P2RX5: variants seen among roughly 807,000 people sequenced by gnomAD.
P2RX5 encodes purinergic receptor P2X 5, also known as P2X purinoceptor 5.
Under a neutral mutation model 54.1 loss-of-function variants are expected in P2RX5, and 46 were observed. That is an observed-to-expected ratio of 0.85 (90% confidence interval 0.67 to 1.09). P2RX5 has a LOEUF of 1.09. Ranked by LOEUF, P2RX5 falls within the 50% of genes least tolerant of loss-of-function variation. The pLI, the probability that P2RX5 is intolerant of heterozygous loss-of-function variation, is 0.00. For missense variants in P2RX5, 566 were observed against 549.8 expected (o/e 1.03, Z -0.29); for synonymous variants, 226 against 226.4 (o/e 1.00, Z 0.02).
At chr17:3,719,727 A>ATTTATTTATTTATT in the P2RX5 span, among the ~76,000 whole-genome samples, 20,476 of 151,652 alleles carry the variant, frequency 0.14, 4,627 homozygotes, top group African/African-American at 0.47. Context: ...TTCATTTTTT[A>ATTTATTTATTTATT]TTTATTTATT....
chr17:3,685,508 T>C (rs1003873035), intron 9 of P2RX5: 2 of 152,726 alleles, frequency 1.3e-5, no homozygotes, highest in Non-Finnish European at 2.9e-5. Flanking sequence ...GGAGGGGAGG[T>C]ACTCCCAGCA....
chr17:3,673,543 C>T lies in P2RX5; in HGVS notation c.*325G>A, dbSNP rs1222486721. ...CTCTACAGGGCACTGCGGTCCTTAG[C>T]TGAGGTGCTCAAGGACTCCGGAAGG... is the stretch of plus-strand genomic sequence containing the variant. On this transcript the variant is annotated 3_prime_UTR_variant, in exon 12 of 12. Transcript: ENST00000225328. 1.5e-6 allele frequency: 2 copies of T among 1,316,920 alleles called. No homozygotes were observed. Among genetic ancestry groups the T allele is most frequent in the Non-Finnish European group, 1.9e-6 (2 of 1,025,874 alleles). 81.6% of individuals were successfully genotyped at this position (1,316,920 alleles called of 1,614,324 possible). A position where few individuals can be genotyped will look rare whatever the true frequency, so the allele number is the denominator to read the frequency against.
chr17:3,679,875 C>T, intron 10 of P2RX5, 91 bp from the exon 11 acceptor site: 1 of 1,139,568 alleles, frequency 8.8e-7, no homozygotes, highest in Non-Finnish European at 1.3e-6. Flanking sequence ...AATCCCTCGC[C>T]CTGCAGGCCG....
At chr17:3,715,068 TCTC>T in the P2RX5 span, 2 of 619,938 alleles carry the variant, frequency 3.2e-6, no homozygotes, top group African/African-American at 3.7e-5. Context: ...ACTACTCCCT[TCTC>T]CTAACTTACT....
the P2RX5 span, among the ~76,000 whole-genome samples, chr17:3,713,455 A>T: frequency 6.6e-6 from 1 of 152,242 alleles, no homozygotes; most frequent in South Asian, 2.1e-4. Flanking sequence ...GAGTGTTTTT[A>T]AAAATCTCAG....
the P2RX5 span, chr17:3,723,810 G>C: frequency 6.3e-7 from 1 of 1,581,998 alleles, no homozygotes; most frequent in East Asian, 2.2e-5. Context: ...GTCCCGTCCC[G>C]GCCCCGGCCC....
chr17:3,711,845 C>A, the P2RX5 span, among the ~76,000 whole-genome samples: 110 of 152,310 alleles, frequency 7.2e-4, 1 homozygote, highest in African/African-American at 2.4e-3. Context: ...CAGGTGTATG[C>A]CACAGACCTT....
chr17:3,679,350 C>T (rs951628767), intron 11 of P2RX5, among the ~76,000 whole-genome samples: 1 of 152,100 alleles, frequency 6.6e-6, no homozygotes, highest in Non-Finnish European at 1.5e-5. Flanking sequence ...ATCTGAGCGC[C>T]GGCATGGCAC....
chr17:3,675,126 G>A lies in P2RX5; in HGVS notation c.1260-1249C>T, dbSNP rs555937560. Among the ~76,000 whole-genome samples, 7 of 152,272 alleles carry A rather than the reference G, an allele frequency of 4.6e-5. No homozygotes were observed. In the South Asian group the frequency reaches 8.3e-4, roughly 18 times the overall value. ...ACGATCTTGGATCACTGCAACCTCC[G>A]TCTCCCGGGTTCAAGCAATTCTCCT... On this transcript the variant is annotated intron_variant, in intron 11 of 11. Coordinates refer to ENST00000225328, the MANE Select transcript of P2RX5 (RefSeq NM_002561.4).
the P2RX5 span, among the ~76,000 whole-genome samples, chr17:3,704,062 A>G: frequency 6.6e-6 from 1 of 152,114 alleles, no homozygotes; most frequent in South Asian, 2.1e-4. Flanking sequence ...AGATGACGCC[A>G]TTGCACTCCA....
At position 3,696,142 on chromosome 17, in the gene P2RX5, C is replaced by T; in HGVS notation, c.-137G>A. ...CTCAGCTGCAGCCCGGGGTGTCCGG[C>T]AGGGCTGCGGGGCGCGGGGGCGGGT... On this transcript the variant is annotated 5_prime_UTR_variant, in exon 1 of 12. Coordinates refer to ENST00000225328, the MANE Select transcript of P2RX5 (RefSeq NM_002561.4). 3 of 898,440 alleles carry T rather than the reference C, an allele frequency of 3.3e-6. No homozygotes were observed. The highest frequency in any genetic ancestry group is 4.5e-6 in the Non-Finnish European group (3 of 671,128). 55.7% of individuals were successfully genotyped at this position (898,440 alleles called of 1,614,324 possible). A position where few individuals can be genotyped will look rare whatever the true frequency, so the allele number is the denominator to read the frequency against.
chr17:3,690,383 G>A (rs748093894), intron 5 of P2RX5, 44 bp downstream of exon 5: 16 of 1,471,842 alleles, frequency 1.1e-5, no homozygotes, highest in Middle Eastern at 4.2e-4. Context: ...CCCACCGCAC[G>A]GGGCTGGGAA....
the P2RX5 span, chr17:3,723,714 G>A: frequency 4.4e-6 from 7 of 1,604,392 alleles, no homozygotes; most frequent in East Asian, 2.2e-5. Flanking sequence ...GCACAAGCGC[G>A]CTCCTGACTC....
chr17:3,688,603 A>G (rs779663712), intron 8 of P2RX5, 23 bp downstream of exon 8: 1 of 1,613,834 alleles, frequency 6.2e-7, no homozygotes, highest in Non-Finnish European at 8.5e-7. Flanking sequence ...TCAGGTCACA[A>G]GTGGGCACAA....
chr17:3,704,820 A>G, the P2RX5 span, among the ~76,000 whole-genome samples: 1 of 152,212 alleles, frequency 6.6e-6, no homozygotes, highest in Admixed American at 6.5e-5. Context: ...CAGCCTGACC[A>G]TCATGGAGAA....
At chr17:3,719,211 G>C in the P2RX5 span, among the ~76,000 whole-genome samples, 2 of 138,876 alleles carry the variant, frequency 1.4e-5, no homozygotes, top group African/African-American at 6.2e-5. Flanking sequence ...ACTCCAGCCT[G>C]GGCGACACAG....
chr17:3,699,052 GACACACACAC>G (rs71379596), upstream of P2RX5, among the ~76,000 whole-genome samples: 8 of 40,848 alleles, frequency 2.0e-4, no homozygotes, highest in African/African-American at 3.8e-4. Context: ...TATATAGACA[GACACACACAC>G]ACACACACAC....
the P2RX5 span, among the ~76,000 whole-genome samples, chr17:3,713,801 C>T: frequency 5.6e-4 from 85 of 151,722 alleles, no homozygotes; most frequent in African/African-American, 1.9e-3. Context: ...TCGCAGCAAG[C>T]GGAGTAGAAA....
At chr17:3,689,790 G>A (rs567389851) in intron 6 of P2RX5, among the ~76,000 whole-genome samples, 160 bp from the exon 7 acceptor site, 10 of 152,338 alleles carry the variant, frequency 6.6e-5, no homozygotes, top group East Asian at 5.8e-4. Context: ...ACCACCCACC[G>A]TTTATTCACA....
Sources: gnomAD v4.1 joint callset for allele counts (sites outside exome capture counted in the v4.1 genomes callset) on GRCh38, gnomAD v4.1.1 for gene constraint, MANE v1.5 for transcripts, NCBI Gene and HGNC (gene_info 2026-07-23, HGNC 2026-07-21) for gene names.